The following SLCO1A2 variants were observed in gnomAD, a reference collection of about 807,000 sequenced individuals.
SLCO1A2 encodes the protein OATP-1.
In SLCO1A2, 67 loss-of-function variants were observed where a neutral mutation model predicts 69.0. The observed-to-expected ratio is 0.97, with a 90% CI of 0.80 to 1.19. The LOEUF (loss-of-function observed/expected upper bound fraction) is 1.19. Ranked by LOEUF, SLCO1A2 falls within the 50% of genes most tolerant of loss-of-function variation. The pLI is 0.00. For missense variants in SLCO1A2, 787 were observed against 793.7 expected, an observed-to-expected ratio of 0.99 and a Z score of 0.10; for synonymous variants, 260 against 265.9, an observed-to-expected ratio of 0.98 and a Z score of 0.22.
chr12:21,366,325 C>T (rs1160360731), intron 2 of SLCO1A2, among the ~76,000 whole-genome samples: 2 of 148,810 alleles, frequency 1.3e-5, no homozygotes. Context: ...CACATGTTCT[C>T]ACTCATAGGT....
At chr12:21,412,056 G>C (rs187329441) in intron 1 of SLCO1A2, among the ~76,000 whole-genome samples, 21 of 152,224 alleles carry the variant, frequency 1.4e-4, no homozygotes, top group African/African-American at 4.8e-4. Flanking sequence ...GTATTATAAT[G>C]TTACCTATAG....
chr12:21,371,372 G>A (rs114193563), intron 2 of SLCO1A2, among the ~76,000 whole-genome samples: 2,818 of 151,414 alleles, frequency 0.019, 96 homozygotes, highest in African/African-American at 0.064. Context: ...ATCTTCTTAC[G>A]GAAATGCATT....
intron 3 of SLCO1A2, among the ~76,000 whole-genome samples, chr12:21,315,443 A>G (rs4148992): frequency 0.38 from 57,234 of 152,092 alleles, 11,585 homozygotes; most frequent in African/African-American, 0.53. Context: ...AAATATACGA[A>G]TAAGTTTTTT....
intron 12 of SLCO1A2, among the ~76,000 whole-genome samples, chr12:21,289,930 G>C (rs1591797800): frequency 6.6e-6 from 1 of 152,158 alleles, no homozygotes; most frequent in East Asian, 1.9e-4. Context: ...TTGCAGAATT[G>C]AACAGTGTAG....
In SLCO1A2 at chr12:21,400,642, G is replaced by C. The variant is rs985015799; in HGVS notation, c.-312+17240C>G. 1.2e-3 allele frequency among the ~76,000 whole-genome samples: 183 copies of C among 150,302 alleles called. 4 individuals are homozygous for C. In the East Asian group the frequency reaches 0.031, roughly 25 times the overall value. The stretch of plus-strand genomic sequence containing the variant: ...GGAACCAACCCAAATGTCCAACAAT[G>C]ATAGACTGGATTAAGAAAATGTGGC... On this transcript the variant is annotated intron_variant, in intron 1 of 4. Coordinates refer to the SLCO1A2 transcript ENST00000413682.
At chr12:21,388,615 G>C (rs1012827778) in intron 1 of SLCO1A2, among the ~76,000 whole-genome samples, 7 of 151,974 alleles carry the variant, frequency 4.6e-5, no homozygotes, top group Non-Finnish European at 1.0e-4. Context: ...GCCCAGTCTT[G>C]GGTATTTCTT....
intron 1 of SLCO1A2, among the ~76,000 whole-genome samples, chr12:21,376,765 A>G (rs1940225435): frequency 6.6e-6 from 1 of 152,082 alleles, no homozygotes; most frequent in African/African-American, 2.4e-5. Context: ...GGTAAACACA[A>G]TGAGATAAAT....
At chr12:21,313,057 C>T (rs968668059) in intron 4 of SLCO1A2, among the ~76,000 whole-genome samples, 5 of 152,078 alleles carry the variant, frequency 3.3e-5, no homozygotes, top group East Asian at 1.9e-4. Context: ...CTACACCCCA[C>T]CTTGGGCGTC....
At position 21,265,872 on chromosome 12, in the gene SLCO1A2, G is replaced by T. The variant is rs1270996269; in HGVS notation, c.*3676C>A. On this transcript the variant is annotated 3_prime_UTR_variant, in exon 15 of 15. Transcript: ENST00000683939. ...AGGCCCAGTAAATAAGAACCATTCT[G>T]TCAATTTCTATATTTTCTTATATAG... The T allele has an allele frequency of 6.6e-6, 1 of 152,014 alleles. No homozygotes were observed. The highest frequency in any genetic ancestry group is 2.4e-5 in the African/African-American group (1 of 41,398). 9.4% of individuals were successfully genotyped at this position (152,014 alleles called of 1,614,324 possible).
At chr12:21,280,943 T>C (rs890547395) in intron 12 of SLCO1A2, among the ~76,000 whole-genome samples, 26 of 152,158 alleles carry the variant, frequency 1.7e-4, no homozygotes, top group African/African-American at 6.0e-4. Context: ...AAGAGGAAAT[T>C]TGAAAACTAT....
chr12:21,327,253 C>G (rs151268466), intron 2 of SLCO1A2, among the ~76,000 whole-genome samples: 1,941 of 152,262 alleles, frequency 0.013, 19 homozygotes, highest in South Asian at 0.039. Flanking sequence ...ATGGAAACAC[C>G]TGGATGTCCA....
Position 21,300,412 on chromosome 12 carries a change from A to G in SLCO1A2, c.846T>C (p.Ile282=), listed in dbSNP as rs1180454730. The G allele has an allele frequency of 2.5e-6, 4 of 1,613,218 alleles. No individual in the cohort carries two copies. Among genetic ancestry groups the G allele is most frequent in the African/African-American group, 2.7e-5 (2 of 74,794 alleles). ...KEGLETNADI[I]KNENEDKQKE... ...TTTGTTTGTCTTCATTTTCATTTTT[A>G]ATGATGTCAGCATTAGTCTCTAGTC... The change falls in exon 8 of 15, where the codon ATT becomes ATC. Residue 282 remains isoleucine (I), a synonymous_variant. Coordinates refer to ENST00000683939, the MANE Select transcript of SLCO1A2 (RefSeq NM_001386879.1).
At chr12:21,288,165 G>T (rs1399906171) in intron 12 of SLCO1A2, among the ~76,000 whole-genome samples, 2 of 152,064 alleles carry the variant, frequency 1.3e-5, no homozygotes, top group Non-Finnish European at 2.9e-5. Context: ...GAACAGGCTG[G>T]GCACGATAGC....
At chr12:21,406,356 G>C (rs539463613) in intron 1 of SLCO1A2, among the ~76,000 whole-genome samples, 1 of 147,330 alleles carries the variant, frequency 6.8e-6, no homozygotes, top group Admixed American at 6.8e-5. Context: ...TTGAAGGACA[G>C]ACAGAAAAAC....
At chr12:21,317,438 T>G (rs547751033) in intron 3 of SLCO1A2, among the ~76,000 whole-genome samples, 77 of 152,348 alleles carry the variant, frequency 5.1e-4, no homozygotes, top group Non-Finnish European at 7.6e-4. Context: ...CCTAGAAAAT[T>G]TTAGCTATCC....
chr12:21,319,069 T>G, intron 2 of SLCO1A2, 146 bp from the exon 3 acceptor site: 1 of 711,990 alleles, frequency 1.4e-6, no homozygotes, highest in South Asian at 2.0e-5. Context: ...AAGTGTAGTC[T>G]GCTCCTTTTG....
At chr12:21,317,490 G>T (rs1216241506) in intron 3 of SLCO1A2, among the ~76,000 whole-genome samples, 1 of 151,948 alleles carries the variant, frequency 6.6e-6, no homozygotes, top group East Asian at 1.9e-4. Context: ...TGTTTCTTCT[G>T]TCCCTGTAAG....
At chr12:21,409,160 T>C (rs1941868725) in intron 1 of SLCO1A2, among the ~76,000 whole-genome samples, 1 of 152,202 alleles carries the variant, frequency 6.6e-6, no homozygotes, top group Admixed American at 6.5e-5. Context: ...GAGGGACTCC[T>C]GTAGGGTGGA....
intron 2 of SLCO1A2, among the ~76,000 whole-genome samples, chr12:21,332,515 T>G (rs1275894462): frequency 6.6e-6 from 1 of 152,048 alleles, no homozygotes; most frequent in Non-Finnish European, 1.5e-5. Context: ...GAGGAGGGTA[T>G]AAAGAGGCAT....
Sources: allele counts gnomAD v4.1 joint callset (sites outside exome capture counted in the v4.1 genomes callset), GRCh38; gene constraint gnomAD v4.1.1; transcripts MANE v1.5; gene names NCBI Gene and HGNC (gene_info 2026-07-23, HGNC 2026-07-21).